The following IFT80 variants were observed in gnomAD, a reference collection of about 807,000 sequenced individuals.
IFT80 encodes the protein intraflagellar transport protein 80 homolog.
Under a neutral mutation model 107.9 loss-of-function variants are expected in IFT80, and 79 were observed. The observed-to-expected ratio is 0.73, with a 90% CI of 0.61 to 0.88. The LOEUF (loss-of-function observed/expected upper bound fraction) is 0.88. IFT80 is among the 40% of genes least tolerant of loss of function. IFT80 has a pLI of 0.00. For synonymous variants in IFT80, 299 were observed against 300.9 expected (o/e 0.99, Z 0.07); for missense variants, 797 against 914.2 (o/e 0.87, Z 1.65).
intron 6 of IFT80, among the ~76,000 whole-genome samples, chr3:160,363,262 C>T (rs1721629055): frequency 1.3e-5 from 2 of 152,222 alleles, no homozygotes; most frequent in South Asian, 2.1e-4. Flanking sequence ...CTCCCATTCA[C>T]AATTGCTACA....
intron 8 of IFT80, among the ~76,000 whole-genome samples, chr3:160,336,537 G>A (rs1232098035): frequency 6.6e-6 from 1 of 151,508 alleles, no homozygotes; most frequent in Non-Finnish European, 1.5e-5. Flanking sequence ...TCTCTCTATA[G>A]ATAACAATTT....
At chr3:160,377,310 T>C in intron 4 of IFT80, 120 bp downstream of exon 4, 1 of 678,232 alleles carries the variant, frequency 1.5e-6, no homozygotes, top group Non-Finnish European at 2.7e-6. Flanking sequence ...AGAACAATAC[T>C]ATGCCAATTA....
chr3:160,301,293 C>T (rs140055711), intron 11 of IFT80, among the ~76,000 whole-genome samples: 155 of 151,900 alleles, frequency 1.0e-3, no homozygotes, highest in African/African-American at 3.6e-3. Context: ...TAATCACCAC[C>T]CTATACACTA....
At chr3:160,379,715 A>C (rs1712318455) in intron 3 of IFT80, among the ~76,000 whole-genome samples, 1 of 152,176 alleles carries the variant, frequency 6.6e-6, no homozygotes, top group Non-Finnish European at 1.5e-5. Context: ...ATTATATCAA[A>C]ATAATTGTTT....
At chr3:160,291,564 T>C (rs921541131) in intron 12 of IFT80, among the ~76,000 whole-genome samples, 31 of 152,208 alleles carry the variant, frequency 2.0e-4, no homozygotes, top group African/African-American at 7.0e-4. Flanking sequence ...ATTGTGAACA[T>C]ACAACATTTT....
intron 8 of IFT80, among the ~76,000 whole-genome samples, chr3:160,325,942 A>T (rs1249862578): frequency 1.4e-4 from 21 of 152,092 alleles, no homozygotes; most frequent in Non-Finnish European, 2.1e-4. Context: ...CCTGTATAAC[A>T]ATATTGTGAT....
intron 8 of IFT80, among the ~76,000 whole-genome samples, chr3:160,320,913 A>C (rs1576804882): frequency 6.6e-6 from 1 of 151,878 alleles, no homozygotes; most frequent in Non-Finnish European, 1.5e-5. Flanking sequence ...CAAGACTTTA[A>C]AATTCCTAAT....
rs1252004846 is a variant in IFT80 at position 160,258,214 on chromosome 3, A to G, written c.*311T>C. 1.8e-5 allele frequency: 6 copies of G among 342,572 alleles called. No individual in the cohort carries two copies. The highest frequency in any genetic ancestry group is 4.4e-5 in the Admixed American group (1 of 22,778). 21.2% of individuals were successfully genotyped at this position (342,572 alleles called of 1,614,324 possible). On this transcript the variant is annotated 3_prime_UTR_variant, in exon 20 of 20. Coordinates refer to ENST00000326448, the MANE Select transcript of IFT80 (RefSeq NM_020800.3). ...GTCCAATGTTTTATTATCGACATTA[A>G]TATTTGTTCATGCTGAAGATTTAGG... is the stretch of plus-strand genomic sequence containing the variant.
chr3:160,326,304 A>G (rs1418366781), intron 8 of IFT80, among the ~76,000 whole-genome samples: 1 of 151,930 alleles, frequency 6.6e-6, no homozygotes, highest in Non-Finnish European at 1.5e-5. Flanking sequence ...AAAAGGAGGC[A>G]CTCCTCCCTA....
chr3:160,279,447 C>T (rs1284661800), intron 15 of IFT80, 83 bp from the exon 16 acceptor site: 11 of 1,071,746 alleles, frequency 1.0e-5, no homozygotes, highest in East Asian at 1.0e-4. Context: ...GGGAGTGGAC[C>T]GTGAAATACA....
intron 12 of IFT80, among the ~76,000 whole-genome samples, chr3:160,300,578 C>T (rs1716343879): frequency 6.6e-6 from 1 of 152,066 alleles, no homozygotes; most frequent in Non-Finnish European, 1.5e-5. Context: ...CCTTAATATA[C>T]AGTTTTAGGA....
At chr3:160,300,144 T>A (rs528381477) in intron 12 of IFT80, among the ~76,000 whole-genome samples, 1 of 152,288 alleles carries the variant, frequency 6.6e-6, no homozygotes, top group South Asian at 2.1e-4. Context: ...TCTCTCACCC[T>A]GCGCTAGTTT....
intron 1 of IFT80, 89 bp from the exon 2 acceptor site, chr3:160,384,735 C>A: frequency 2.1e-6 from 2 of 958,776 alleles, no homozygotes; most frequent in South Asian, 3.0e-5. Context: ...AACATCATTG[C>A]ACCCCAACGA....
At chr3:160,313,029 T>C (rs1352540431) in intron 9 of IFT80, among the ~76,000 whole-genome samples, 2 of 90,340 alleles carry the variant, frequency 2.2e-5, no homozygotes, top group South Asian at 5.4e-4. Context: ...ATATATATTA[T>C]ATATAAATAT....
intron 5 of IFT80, among the ~76,000 whole-genome samples, chr3:160,368,261 CT>C (rs887806747): frequency 7.5e-5 from 11 of 145,756 alleles, no homozygotes; most frequent in Non-Finnish European, 1.2e-4. Flanking sequence ...AGGTACCCTA[CT>C]TTTTGTGTGC....
chr3:160,272,179 T>C (rs767920636), intron 18 of IFT80, among the ~76,000 whole-genome samples: 3 of 152,036 alleles, frequency 2.0e-5, no homozygotes, highest in African/African-American at 4.8e-5. Flanking sequence ...TAAGAACATA[T>C]CAACCAATCA....
At chr3:160,379,159 A>C (rs920009405) in intron 3 of IFT80, among the ~76,000 whole-genome samples, 5 of 152,188 alleles carry the variant, frequency 3.3e-5, no homozygotes, top group Admixed American at 3.3e-4. Context: ...ATTCCTGCTA[A>C]GGACATATAA....
intron 12 of IFT80, among the ~76,000 whole-genome samples, chr3:160,289,065 C>T (rs1467678985): frequency 6.6e-6 from 1 of 152,142 alleles, no homozygotes; most frequent in Non-Finnish European, 1.5e-5. Context: ...ACTTAAATGC[C>T]CATCAATAAC....
intron 1 of IFT80, among the ~76,000 whole-genome samples, chr3:160,392,467 G>A (rs11708118): frequency 0.2 from 29,932 of 152,048 alleles, 3,490 homozygotes; most frequent in Non-Finnish European, 0.26. Context: ...AATCAAAACC[G>A]TGATTTTCCC....
Sources: gnomAD v4.1 joint callset for allele counts (sites outside exome capture counted in the v4.1 genomes callset) on GRCh38, gnomAD v4.1.1 for gene constraint, MANE v1.5 for transcripts, NCBI Gene and HGNC (gene_info 2026-07-23, HGNC 2026-07-21) for gene names.